Variants in PARD3 observed in about 807,000 individuals in gnomAD.
PARD3 encodes par-3 family cell polarity regulator, also known as partitioning defective 3 homolog.
In PARD3, 75 loss-of-function variants were observed where a neutral mutation model predicts 155.4. The observed-to-expected ratio is 0.48, with a 90% confidence interval of 0.40 to 0.58. The LOEUF is 0.58. PARD3 is among the 20% of genes least tolerant of loss of function. The pLI, the probability that PARD3 is intolerant of heterozygous loss-of-function variation, is 0.00. For missense variants in PARD3, 1,642 were observed against 1,721.7 expected, an observed-to-expected ratio of 0.95 and a Z score of 0.82; for synonymous variants, 576 against 610.5, an observed-to-expected ratio of 0.94 and a Z score of 0.83.
At chr10:34,272,631 T>C (rs1955674877) in intron 21 of PARD3, among the ~76,000 whole-genome samples, 1 of 151,924 alleles carries the variant, frequency 6.6e-6, no homozygotes, top group Non-Finnish European at 1.5e-5. Flanking sequence ...CCAGCTGAGG[T>C]GAGAGGATTG....
At chr10:34,683,563 C>T (rs557181427) in intron 2 of PARD3, among the ~76,000 whole-genome samples, 1 of 150,344 alleles carries the variant, frequency 6.7e-6, no homozygotes, top group Admixed American at 6.7e-5. Flanking sequence ...TCCAAAGCAA[C>T]AGAAAAGCAC....
At chr10:34,523,047 C>T (rs1234783723) in intron 2 of PARD3, among the ~76,000 whole-genome samples, 2 of 152,150 alleles carry the variant, frequency 1.3e-5, no homozygotes, top group Non-Finnish European at 2.9e-5. Context: ...CAAATTAATG[C>T]AATTTTGATG....
intron 22 of PARD3, among the ~76,000 whole-genome samples, chr10:34,165,844 C>T (rs1949504258): frequency 6.6e-6 from 1 of 152,206 alleles, no homozygotes; most frequent in African/African-American, 2.4e-5. Flanking sequence ...CATTTTCATG[C>T]AGTGAAATCT....
At chr10:34,667,583 T>C (rs1217790688) in intron 2 of PARD3, among the ~76,000 whole-genome samples, 1 of 152,234 alleles carries the variant, frequency 6.6e-6, no homozygotes, top group Admixed American at 6.5e-5. Context: ...AAATGCCTAA[T>C]GATTTAAGAT....
chr10:34,658,479 C>T (rs1257717221), intron 2 of PARD3, among the ~76,000 whole-genome samples: 1 of 152,078 alleles, frequency 6.6e-6, no homozygotes, highest in Non-Finnish European at 1.5e-5. Context: ...TTGAAGGCGG[C>T]ACCAGGGGCA....
chr10:34,500,249 T>C (rs1444020607), intron 3 of PARD3, among the ~76,000 whole-genome samples: 2 of 152,164 alleles, frequency 1.3e-5, no homozygotes, highest in African/African-American at 4.8e-5. Context: ...CACATAAAAC[T>C]AGAAAAGGGT....
intron 2 of PARD3, among the ~76,000 whole-genome samples, chr10:34,576,337 T>A (rs2086886719): frequency 6.6e-6 from 1 of 152,196 alleles, no homozygotes; most frequent in Non-Finnish European, 1.5e-5. Flanking sequence ...TGCTTGCTTG[T>A]GCATTCTCTC....
At chr10:34,554,931 G>A (rs2084869526) in intron 2 of PARD3, among the ~76,000 whole-genome samples, 1 of 152,262 alleles carries the variant, frequency 6.6e-6, no homozygotes, top group East Asian at 1.9e-4. Flanking sequence ...CTTAATCAAG[G>A]GTAAGCAGAT....
At chr10:34,370,399 C>T (rs1840463046) in intron 12 of PARD3, among the ~76,000 whole-genome samples, 1 of 152,090 alleles carries the variant, frequency 6.6e-6, no homozygotes, top group Non-Finnish European at 1.5e-5. Context: ...CACAGCCGAT[C>T]ATCAGTTTCC....
intron 22 of PARD3, among the ~76,000 whole-genome samples, chr10:34,251,214 AGTG>A (rs1461836298): frequency 2.0e-5 from 3 of 152,212 alleles, no homozygotes; most frequent in South Asian, 2.1e-4. Flanking sequence ...ATCTAACTTA[AGTG>A]GTGTTTACAC....
At chr10:34,142,209 T>C (rs1368618228) in intron 22 of PARD3, among the ~76,000 whole-genome samples, 1 of 151,848 alleles carries the variant, frequency 6.6e-6, no homozygotes, top group Non-Finnish European at 1.5e-5. Context: ...TGAGAGAAAA[T>C]GTTTTCGGGG....
intron 1 of PARD3, among the ~76,000 whole-genome samples, chr10:34,756,000 C>T (rs1228275886): frequency 2.0e-4 from 30 of 152,016 alleles, no homozygotes; most frequent in Admixed American, 2.0e-3. Context: ...TTACTCTAGT[C>T]TCACACAGGA....
intron 19 of PARD3, 43 bp from the exon 20 acceptor site, chr10:34,317,381 G>A (rs748685351): frequency 2.3e-5 from 36 of 1,554,618 alleles, no homozygotes; most frequent in Admixed American, 6.2e-5. Flanking sequence ...GTGAACCAAC[G>A]CAACAAAAAT....
intron 22 of PARD3, among the ~76,000 whole-genome samples, chr10:34,242,657 A>G (rs1482981622): frequency 6.6e-6 from 1 of 152,204 alleles, no homozygotes; most frequent in Admixed American, 6.5e-5. Flanking sequence ...AGACCTTGTA[A>G]AAAGTATGCA....
At chr10:34,477,186 A>C (rs1390212103) in intron 3 of PARD3, among the ~76,000 whole-genome samples, 1 of 152,188 alleles carries the variant, frequency 6.6e-6, no homozygotes, top group Non-Finnish European at 1.5e-5. Flanking sequence ...TTCTCATTTA[A>C]GGTAATTTGG....
At chr10:34,417,849 A>C (rs1411442779) in intron 5 of PARD3, among the ~76,000 whole-genome samples, 8 of 152,328 alleles carry the variant, frequency 5.3e-5, no homozygotes, top group Admixed American at 4.6e-4. Context: ...AAAATGACCA[A>C]TGACCCATCC....
chr10:34,717,044 CG>C (rs1680505793), intron 1 of PARD3, among the ~76,000 whole-genome samples: 1 of 152,000 alleles, frequency 6.6e-6, no homozygotes, highest in Admixed American at 6.6e-5. Flanking sequence ...CAGTGTGGCC[CG>C]GGGATACCAA....
At chr10:34,407,206 G>C (rs1055202711) in intron 5 of PARD3, among the ~76,000 whole-genome samples, 2 of 152,174 alleles carry the variant, frequency 1.3e-5, no homozygotes, top group Admixed American at 6.5e-5. Context: ...GCCTGCCAAG[G>C]GGGTGGAGGG....
chr10:34,488,816 C>A, intron 3 of PARD3: 1 of 155,134 alleles, frequency 6.4e-6, no homozygotes, highest in South Asian at 2.0e-4. Flanking sequence ...ACTCAAACAC[C>A]ATGCTAGACA....
Sources: gnomAD v4.1 joint callset for allele counts (sites outside exome capture counted in the v4.1 genomes callset) on GRCh38, gnomAD v4.1.1 for gene constraint, MANE v1.5 for transcripts, NCBI Gene and HGNC (gene_info 2026-07-23, HGNC 2026-07-21) for gene names.